The following ASCC2 variants were observed in gnomAD, a reference collection of about 807,000 sequenced individuals.
ASCC2 encodes activating signal cointegrator 1 complex subunit 2, also known as ASC-1 complex subunit P100.
A neutral mutation model predicts 93.5 loss-of-function variants in ASCC2; 42 were observed. The ratio of observed to expected loss-of-function variants is 0.45; its 90% confidence interval spans 0.35 to 0.58. ASCC2 has a LOEUF of 0.58. Ranked by LOEUF, ASCC2 falls within the 20% of genes least tolerant of loss-of-function variation. The probability of loss-of-function intolerance (pLI) is 0.00; values close to 1 mark genes in which losing one functional copy is unlikely to be tolerated. For missense variants in ASCC2, 859 were observed against 977.6 expected (o/e 0.88, Z 1.62); for synonymous variants, 364 against 384.2 (o/e 0.95, Z 0.62).
At chr22:29,813,367 A>G (rs1448193222) in intron 8 of ASCC2, 63 bp downstream of exon 8, 1 of 1,184,706 alleles carries the variant, frequency 8.4e-7, no homozygotes, top group Non-Finnish European at 1.3e-6. Context: ...AAATGAGTAA[A>G]TATTTGTTAA....
At chr22:29,790,635 G>C in intron 18 of ASCC2, 87 bp from the exon 19 acceptor site, 1 of 1,355,382 alleles carries the variant, frequency 7.4e-7, no homozygotes, top group East Asian at 2.3e-5. Flanking sequence ...AGTGAAGCTT[G>C]TCGATGCCTC....
rs5997536 is a variant in ASCC2, at chr22:29,831,132, T to C, written c.81+1113A>G. ...CACTATTCACATTACAAGTGCTTAA[T>C]AGCTACATGTGGTGAATGACCACCT... On this transcript the variant is annotated intron_variant, in intron 2 of 19. Coordinates refer to ENST00000307790, the MANE Select transcript of ASCC2 (RefSeq NM_032204.5). Among the ~76,000 whole-genome samples, 136 of 152,360 alleles carry C rather than the reference T, an allele frequency of 8.9e-4. 1 individual carries two copies. Among genetic ancestry groups the C allele is most frequent in the African/African-American group, 3.1e-3 (128 of 41,576 alleles).
chr22:29,793,363 C>G lies in ASCC2; in HGVS notation c.1916G>C (p.Arg639Pro), dbSNP rs6006259. The G allele has an allele frequency of 6.2e-7, 1 of 1,613,424 alleles. No homozygotes were observed. Among genetic ancestry groups the G allele is most frequent in the South Asian group, 1.1e-5 (1 of 91,086 alleles). Residue 639 changes from arginine (R) to proline (P), a missense_variant, in exon 17 of 20, where the codon CGC (arginine) becomes CCC (proline). Physicochemically the swap from Arg to Pro is moderately radical, Grantham distance 103. Coordinates refer to ENST00000307790, the MANE Select transcript of ASCC2 (RefSeq NM_032204.5). Reference sequence around the variant, plus strand: ...GCCACCCCCACTATGGCCTCACCTGCGGCTGATGAGCTCGTCATCAGAGTC... The same window carrying G: ...GCCACCCCCACTATGGCCTCACCTGGGGCTGATGAGCTCGTCATCAGAGTC... ...DADSDDELIS[R>P]RPFTIPQVLR...
intron 2 of ASCC2, chr22:29,827,419 T>G: frequency 3.0e-6 from 1 of 335,616 alleles, no homozygotes; most frequent in Non-Finnish European, 6.2e-6. Flanking sequence ...ATAGAAAAAT[T>G]GAGACTGATA....
chr22:29,789,177 G>A lies in ASCC2; in HGVS notation c.2110C>T (p.His704Tyr). The change falls in exon 20 of 20, where the codon CAT becomes TAT. Residue 704 changes from histidine (H) to tyrosine (Y), a missense_variant. Coordinates refer to ENST00000307790, the MANE Select transcript of ASCC2 (RefSeq NM_032204.5). ...CCGGCCACTGCTGTTGAGCTGTCAT[G>A]CCGGTACCTGAGGGAGGAACAACCC... ...MAFLAKKGYR[H>Y]DSSTAVAGSP... 1 of 1,614,120 alleles carries A rather than the reference G, an allele frequency of 6.2e-7. No individual in the cohort carries two copies. The highest frequency in any genetic ancestry group is 8.5e-7 in the Non-Finnish European group (1 of 1,180,008).
chr22:29,822,347 G>C lies in ASCC2; in HGVS notation c.529C>G (p.Gln177Glu), dbSNP rs767661623. ...GCATCCTACACACCTATCATCTTCT[G>C]GAGCAGTGGTGAGTTGCCTTTTCCA... is the stretch of plus-strand genomic sequence containing the variant. The part of the protein sequence containing the change: ...LFGKGNSPLL[Q>E]KMIGNIFTQQ... Residue 177 changes from glutamine (Q) to glutamate (E), a missense_variant, in exon 5 of 20, where the codon CAG becomes GAG. By Grantham distance (29) the Gln-to-Glu change is conservative. Coordinates refer to ENST00000307790, the MANE Select transcript of ASCC2 (RefSeq NM_032204.5). 6.2e-7 allele frequency: 1 copy of C among 1,613,990 alleles called. No individual in the cohort carries two copies. Among genetic ancestry groups the C allele is most frequent in the Non-Finnish European group, 8.5e-7 (1 of 1,179,946 alleles).
chr22:29,827,128 C>T (rs1353573915), intron 2 of ASCC2, among the ~76,000 whole-genome samples: 2 of 151,102 alleles, frequency 1.3e-5, no homozygotes, highest in Admixed American at 6.6e-5. Flanking sequence ...AAATTATACC[C>T]ATGAAACAAT....
At chr22:29,791,281 G>C (rs2057709114) in intron 18 of ASCC2, among the ~76,000 whole-genome samples, 1 of 152,134 alleles carries the variant, frequency 6.6e-6, no homozygotes, top group Non-Finnish European at 1.5e-5. Context: ...GGAAGCTGAG[G>C]TGGGAGGATT....
intron 1 of ASCC2, among the ~76,000 whole-genome samples, chr22:29,837,053 G>C (rs1252269349): frequency 6.6e-6 from 1 of 152,190 alleles, no homozygotes; most frequent in African/African-American, 2.4e-5. Context: ...ATGAAGCTGT[G>C]GCAGCATTTA....
intron 13 of ASCC2, among the ~76,000 whole-genome samples, chr22:29,804,285 G>C (rs2059422343): frequency 6.6e-6 from 1 of 152,222 alleles, no homozygotes; most frequent in South Asian, 2.1e-4. Flanking sequence ...ACTTGGCACT[G>C]TTCCCAGTTG....
chr22:29,837,369 G>A (rs1012966769), intron 1 of ASCC2, among the ~76,000 whole-genome samples: 2 of 152,142 alleles, frequency 1.3e-5, no homozygotes, highest in East Asian at 1.9e-4. Context: ...GGAGGCGGAG[G>A]TTGCAGTGGG....
chr22:29,806,701 A>G, intron 10 of ASCC2, 96 bp downstream of exon 10: 1 of 1,417,986 alleles, frequency 7.1e-7, no homozygotes, highest in East Asian at 2.3e-5. Context: ...AGCCAACCCC[A>G]GTGCAGTGGA....
chr22:29,789,659 T>G (rs1030348322), intron 19 of ASCC2, among the ~76,000 whole-genome samples: 2 of 152,214 alleles, frequency 1.3e-5, no homozygotes, highest in African/African-American at 4.8e-5. Context: ...AGCTCCGCAC[T>G]CAGGGGGCTG....
intron 14 of ASCC2, among the ~76,000 whole-genome samples, chr22:29,801,354 G>A (rs887068214): frequency 2.0e-5 from 3 of 152,150 alleles, no homozygotes; most frequent in Non-Finnish European, 4.4e-5. Context: ...TTCACACAGG[G>A]TTTCCTTCTG....
At chr22:29,820,705 C>T (rs1021227435) in intron 5 of ASCC2, among the ~76,000 whole-genome samples, 4 of 151,630 alleles carry the variant, frequency 2.6e-5, no homozygotes, top group African/African-American at 9.7e-5. Flanking sequence ...GAGGCCGAGG[C>T]GGGTGGATCA....
chr22:29,815,947 T>G, intron 6 of ASCC2, 59 bp downstream of exon 6: 1 of 1,399,720 alleles, frequency 7.1e-7, no homozygotes, highest in East Asian at 2.4e-5. Flanking sequence ...ACCATTGAGT[T>G]GGGGAGGTGG....
chr22:29,817,627 G>A (rs1000698129), intron 5 of ASCC2, among the ~76,000 whole-genome samples: 1 of 152,016 alleles, frequency 6.6e-6, no homozygotes, highest in African/African-American at 2.4e-5. Context: ...CAACCACTTC[G>A]CACTGGGGAG....
At chr22:29,827,528 C>CACCTCTCATGTGGGTCTGCAGG (rs1193590350) in intron 2 of ASCC2, 2 of 468,426 alleles carry the variant, frequency 4.3e-6, no homozygotes, top group Non-Finnish European at 8.9e-6. Flanking sequence ...TCTTCAAGGC[C>CACCTCTCATGTGGGTCTGCAGG]ACCTCTCATG....
Position 29,825,926 on chromosome 22 carries a change from C to A in ASCC2, c.82-146G>T. 1 of 864,576 alleles carries A rather than the reference C, an allele frequency of 1.2e-6. No homozygotes were observed. Among genetic ancestry groups the A allele is most frequent in the South Asian group, 1.7e-5 (1 of 58,596 alleles). The allele number at this position is 864,576 out of a possible 1,614,324, so 53.6% of individuals were successfully genotyped here. The stretch of plus-strand genomic sequence containing the variant: ...AGCATAAAGAACCAAGTGTATCTAA[C>A]AAAGAGGGCATGGTTGCATTCAGCG... On this transcript the variant is annotated intron_variant, in intron 2 of 19. Transcript: ENST00000307790. This position sits in a 1 kb window ranked among gnomAD's most constrained non-coding sequence, Gnocchi z 4.9.
Sources: gnomAD v4.1 joint callset for allele counts (sites outside exome capture counted in the v4.1 genomes callset) on GRCh38, gnomAD v4.1.1 for gene constraint, Gnocchi (gnomAD v3.1) non-coding constraint, MANE v1.5 for transcripts, NCBI Gene and HGNC (gene_info 2026-07-23, HGNC 2026-07-21) for gene names.